Variants in SDCCAG8 observed in about 807,000 individuals in gnomAD.
SDCCAG8 encodes the protein serologically defined colon cancer antigen 8.
In SDCCAG8, 74 loss-of-function variants were observed where a neutral mutation model predicts 101.8. The observed-to-expected ratio is 0.73, with a 90% confidence interval of 0.60 to 0.88. The LOEUF (loss-of-function observed/expected upper bound fraction) is 0.88, where lower values mean the gene tolerates loss of function less well. Among genes scored for constraint, SDCCAG8 ranks in the 40% least tolerant of loss-of-function variants. SDCCAG8 has a pLI of 0.00. For synonymous variants in SDCCAG8, 281 were observed against 292.9 expected (o/e 0.96, Z 0.41); for missense variants, 787 against 822.6 (o/e 0.96, Z 0.53).
chr1:243,410,882 A>G (rs2080125000), intron 13 of SDCCAG8, among the ~76,000 whole-genome samples: 1 of 152,178 alleles, frequency 6.6e-6, no homozygotes. Flanking sequence ...AGAAAATGCA[A>G]TCAACCAGAA....
At chr1:243,462,181 A>G (rs1659247340) in intron 16 of SDCCAG8, among the ~76,000 whole-genome samples, 1 of 152,162 alleles carries the variant, frequency 6.6e-6, no homozygotes, top group African/African-American at 2.4e-5. Flanking sequence ...TGAGCCCACT[A>G]CTTTCTGCCC....
chr1:243,258,014 A>C (rs866811141), intron 1 of SDCCAG8, among the ~76,000 whole-genome samples: 13 of 152,188 alleles, frequency 8.5e-5, no homozygotes, highest in African/African-American at 3.1e-4. Context: ...TGTTATAGTA[A>C]TATGTTTAAT....
At chr1:243,302,924 A>C (rs2071679975) in intron 6 of SDCCAG8, among the ~76,000 whole-genome samples, 2 of 152,238 alleles carry the variant, frequency 1.3e-5, no homozygotes, top group South Asian at 4.1e-4. Context: ...AGAAAAAGCC[A>C]TGAAAGTCAT....
chr1:243,356,689 C>T (rs1314082451), intron 12 of SDCCAG8, among the ~76,000 whole-genome samples: 1 of 151,960 alleles, frequency 6.6e-6, no homozygotes, highest in Non-Finnish European at 1.5e-5. Flanking sequence ...TGCTGATTGT[C>T]GAAAATAACT....
At chr1:243,418,244 A>G (rs1354899119) in intron 15 of SDCCAG8, among the ~76,000 whole-genome samples, 168 bp downstream of exon 15, 1 of 152,170 alleles carries the variant, frequency 6.6e-6, no homozygotes, top group Non-Finnish European at 1.5e-5. Flanking sequence ...TTAATTGTCT[A>G]TACGCTTTTA....
At chr1:243,441,846 A>C (rs2082557131) in intron 16 of SDCCAG8, among the ~76,000 whole-genome samples, 1 of 152,206 alleles carries the variant, frequency 6.6e-6, no homozygotes, top group South Asian at 2.1e-4. Context: ...GAAATGTCTT[A>C]TATTGAGCTT....
At chr1:243,315,514 ATTC>A (rs2073155419) in intron 8 of SDCCAG8, among the ~76,000 whole-genome samples, 1 of 152,214 alleles carries the variant, frequency 6.6e-6, no homozygotes, top group Non-Finnish European at 1.5e-5. Context: ...GCAGCAACTT[ATTC>A]TTTTTTAAAC....
At chr1:243,348,818 CAAAAAAAAA>C (rs34405078) in intron 12 of SDCCAG8, among the ~76,000 whole-genome samples, 91 of 131,256 alleles carry the variant, frequency 6.9e-4, no homozygotes, top group Non-Finnish European at 1.2e-3. Context: ...ACTAAAAATA[CAAAAAAAAA>C]AAAAAAAAAT....
chr1:243,275,886 ATGGAG>A (rs1234624739), intron 4 of SDCCAG8, among the ~76,000 whole-genome samples: 4 of 49,300 alleles, frequency 8.1e-5, no homozygotes, highest in Non-Finnish European at 1.6e-4. Context: ...TTTTTTTTTG[ATGGAG>A]TCTCGCATTG....
chr1:243,426,536 G>C lies in SDCCAG8; in HGVS notation c.1963G>C (p.Val655Leu). 1 of 1,613,976 alleles carries C rather than the reference G, an allele frequency of 6.2e-7. No individual in the cohort carries two copies. The highest frequency in any genetic ancestry group is 8.5e-7 in the Non-Finnish European group (1 of 1,179,924). The change falls in exon 16 of 18, where the codon GTA (valine) becomes CTA (leucine). Residue 655 changes from valine to leucine, a missense_variant. Physicochemically the swap from Val to Leu is conservative, Grantham distance 32. Coordinates refer to ENST00000366541, the MANE Select transcript of SDCCAG8 (RefSeq NM_006642.5). ...LEEQCVQHGR[V>L]HETMKQRLRQ... ...GGAACAGTGTGTCCAGCATGGGAGA[G>C]TACATGAGACGATGAAGCAAAGGTA...
chr1:243,292,593 ACTCAGTTTC>A (rs984555549), intron 5 of SDCCAG8, among the ~76,000 whole-genome samples: 2 of 152,106 alleles, frequency 1.3e-5, no homozygotes, highest in Non-Finnish European at 2.9e-5. Flanking sequence ...ACTCTATGTG[ACTCAGTTTC>A]CTCCTGTATA....
intron 15 of SDCCAG8, among the ~76,000 whole-genome samples, chr1:243,421,672 A>C (rs979213782): frequency 6.6e-6 from 1 of 152,144 alleles, no homozygotes; most frequent in Non-Finnish European, 1.5e-5. Context: ...CATGTTGTAT[A>C]GCTTGTTTTT....
chr1:243,336,371 T>A (rs1453853964), intron 10 of SDCCAG8, among the ~76,000 whole-genome samples: 1 of 152,174 alleles, frequency 6.6e-6, no homozygotes, highest in African/African-American at 2.4e-5. Context: ...TCTATGATGA[T>A]TAGTGTTTTA....
intron 16 of SDCCAG8, among the ~76,000 whole-genome samples, chr1:243,431,610 A>G (rs1039490320): frequency 2.0e-5 from 3 of 152,226 alleles, no homozygotes; most frequent in Admixed American, 2.0e-4. Flanking sequence ...CCTGGTGTCC[A>G]CAAAGGCAGT....
intron 17 of SDCCAG8, among the ~76,000 whole-genome samples, chr1:243,496,593 C>G (rs1447464317): frequency 6.6e-6 from 1 of 152,180 alleles, no homozygotes; most frequent in Non-Finnish European, 1.5e-5. Context: ...CTAGAGCCAC[C>G]CACGGAGACA....
At chr1:243,392,720 C>CGACA (rs1422189634) in intron 13 of SDCCAG8, among the ~76,000 whole-genome samples, 9 of 152,154 alleles carry the variant, frequency 5.9e-5, no homozygotes, top group Non-Finnish European at 1.0e-4. Flanking sequence ...TGGCAGCATG[C>CGACA]GACAACTCAC....
chr1:243,295,142 A>T (rs1176941592), intron 6 of SDCCAG8, among the ~76,000 whole-genome samples: 1 of 152,268 alleles, frequency 6.6e-6, no homozygotes, highest in East Asian at 1.9e-4. Context: ...GCTACTTAAT[A>T]CCTATAGGAT....
intron 17 of SDCCAG8, among the ~76,000 whole-genome samples, chr1:243,494,214 ATTG>A (rs1345318827): frequency 6.6e-6 from 1 of 152,180 alleles, no homozygotes; most frequent in Non-Finnish European, 1.5e-5. Context: ...TTTCAACCAA[ATTG>A]TTGTTTTTTT....
intron 6 of SDCCAG8, among the ~76,000 whole-genome samples, chr1:243,304,496 CAAAG>C (rs1156680027): frequency 1.3e-5 from 2 of 151,974 alleles, no homozygotes; most frequent in Non-Finnish European, 2.9e-5. Context: ...TTTTGAAAGA[CAAAG>C]AAAATCAATT....
Sources: gnomAD v4.1 joint callset for allele counts (sites outside exome capture counted in the v4.1 genomes callset) on GRCh38, gnomAD v4.1.1 for gene constraint, MANE v1.5 for transcripts, NCBI Gene and HGNC (gene_info 2026-07-23, HGNC 2026-07-21) for gene names.